ERCC2: variants seen among roughly 807,000 people sequenced by gnomAD.
The protein encoded by ERCC2 is general transcription and DNA repair factor IIH helicase subunit XPD.
Under a neutral mutation model 99.4 loss-of-function variants are expected in ERCC2, and 90 were observed. The observed-to-expected ratio is 0.91, with a 90% CI of 0.76 to 1.08. The LOEUF (loss-of-function observed/expected upper bound fraction) is 1.08. Ranked by LOEUF, ERCC2 falls within the 50% of genes least tolerant of loss-of-function variation. The probability of loss-of-function intolerance (pLI) is 0.00; values close to 1 mark genes in which losing one functional copy is unlikely to be tolerated. For synonymous variants in ERCC2, 497 were observed against 432.4 expected (o/e 1.15, Z -1.85); for missense variants, 993 against 1,038.1 (o/e 0.96, Z 0.60).
intron 18 of ERCC2, 21 bp downstream of exon 18, chr19:45,353,221 A>C (rs1971886362): frequency 6.2e-7 from 1 of 1,612,270 alleles, no homozygotes; most frequent in African/African-American, 1.3e-5. Context: ...ACCCCTCTCC[A>C]CGCTGGCCTC....
In ERCC2 at chr19:45,351,213, A is replaced by ACCTGGAGCT; in HGVS notation, c.*407_*415dup. 6.3e-7 allele frequency: 1 copy of ACCTGGAGCT among 1,589,814 alleles called. No homozygotes were observed. Among genetic ancestry groups the ACCTGGAGCT allele is most frequent in the Non-Finnish European group, 8.6e-7 (1 of 1,167,518 alleles). ...GTTGGATAGTTGGCTGCCAGGCTGG[A>ACCTGGAGCT]CCTGGAGCTGGAGGGTGGATGTAAC... On this transcript the variant is annotated 3_prime_UTR_variant, in exon 23 of 23. Coordinates refer to ENST00000391945, the MANE Select transcript of ERCC2 (RefSeq NM_000400.4).
In ERCC2 at chr19:45,350,633, CTCCCCAGGCCCT is replaced by C. The variant is rs762601009; in HGVS notation, c.*984_*995del. On this transcript the variant is annotated 3_prime_UTR_variant, in exon 23 of 23. Coordinates refer to ENST00000391945, the MANE Select transcript of ERCC2 (RefSeq NM_000400.4). ...GGGGACTGAGCAGCATCCCCGGCCC[CTCCCCAGGCCCT>C]TCGCCGCAGCAGCTCACTCTCCAAG... The C allele has an allele frequency of 8.1e-6, 13 of 1,613,320 alleles. No homozygotes were observed. Among genetic ancestry groups the C allele is most frequent in the Admixed American group, 1.7e-5 (1 of 59,974 alleles).
rs749948552 is a variant in ERCC2 at position 45,369,012 on chromosome 19, T to G, written c.184-20A>C. 1.2e-6 allele frequency: 2 copies of G among 1,614,080 alleles called. No homozygotes were observed. The highest frequency in any genetic ancestry group is 2.2e-5 in the South Asian group (2 of 91,088). On this transcript the variant is annotated intron_variant, in intron 3 of 22. Transcript: ENST00000391945. ...ATATGCCTGCCGATAACAAGCGGAC[T>G]CAGTCCCTGTCCCGCCCCTTCCTTT...
At position 45,351,662 on chromosome 19, in the gene ERCC2, CAGCGTCTCCTCTGATTCT is replaced by C. The variant is rs757322764; in HGVS notation, c.2232_2249del (p.Glu745_Leu750del). On this transcript the variant is annotated inframe_deletion, in exon 23 of 23. Transcript: ENST00000391945. ...GCTGAGCAATCTGCTCTATCCTCTT[CAGCGTCTCCTCTGATTCT>C]AGCTGCTCCAGGCTGAGCAGGGACA... 2 of 1,614,044 alleles carry C rather than the reference CAGCGTCTCCTCTGATTCT, an allele frequency of 1.2e-6. No individual in the cohort carries two copies. The highest frequency in any genetic ancestry group is 1.7e-6 in the Non-Finnish European group (2 of 1,179,996).
chr19:45,354,017 C>T (rs577930083), intron 17 of ERCC2, among the ~76,000 whole-genome samples: 9 of 152,330 alleles, frequency 5.9e-5, no homozygotes, highest in South Asian at 2.1e-4. Flanking sequence ...GCGTGGAAGC[C>T]GCCTATTGAA....
At chr19:45,354,670 T>C (rs1599728849) in intron 17 of ERCC2, 60 bp downstream of exon 17, 2 of 1,605,030 alleles carry the variant, frequency 1.2e-6, no homozygotes, top group South Asian at 1.1e-5. Context: ...GAAGCTGACA[T>C]AGCGGTGCAG....
intron 13 of ERCC2, 27 bp from the exon 14 acceptor site, chr19:45,357,570 C>A: frequency 6.2e-7 from 1 of 1,613,876 alleles, no homozygotes; most frequent in Non-Finnish European, 8.5e-7. Context: ...GCAGTGAGGG[C>A]CCGGGGGGCT....
At position 45,351,439 on chromosome 19, in the gene ERCC2, T is replaced by TC; in HGVS notation, c.*189dup. 2.5e-6 allele frequency: 4 copies of TC among 1,586,582 alleles called. No homozygotes were observed. The highest frequency in any genetic ancestry group is 1.7e-4 in the Middle Eastern group (1 of 5,952). On this transcript the variant is annotated 3_prime_UTR_variant, in exon 23 of 23. Coordinates refer to ENST00000391945, the MANE Select transcript of ERCC2 (RefSeq NM_000400.4). ...TGGTGGGGTGAGAGGGGGTCTATCATCTCCTGGCCCCCCCTTGCCTCTGGG... is the reference window on the plus strand; with the variant it reads ...TGGTGGGGTGAGAGGGGGTCTATCATCCTCCTGGCCCCCCCTTGCCTCTGGG...
In ERCC2 at chr19:45,357,539, T is replaced by A; in HGVS notation, c.1312A>T (p.Met438Leu). 1 of 1,614,108 alleles carries A rather than the reference T, an allele frequency of 6.2e-7. No individual in the cohort carries two copies. Among genetic ancestry groups the A allele is most frequent in the Non-Finnish European group, 8.5e-7 (1 of 1,180,018 alleles). Reference protein sequence around the residue: ...IANPILHFSCMDASLAIKPVF... With the variant: ...IANPILHFSCLDASLAIKPVF... The stretch of plus-strand genomic sequence containing the variant: ...GGTTTGATGGCCAGCGAGGCGTCCA[T>A]GCAGCTGGAGAGAGATGAGGGCAGT... Residue 438 changes from methionine to leucine, a missense_variant, in exon 14 of 23, where the codon ATG (methionine) becomes TTG (leucine). Physicochemically the swap from Met to Leu is conservative, Grantham distance 15. Around this residue, in one of 3 missense-constraint regions of ERCC2, gnomAD observed 909 missense variants for 930.8 expected, o/e 0.98. Coordinates refer to ENST00000391945, the MANE Select transcript of ERCC2 (RefSeq NM_000400.4).
At chr19:45,352,126 T>G (rs994598652) in intron 22 of ERCC2, 83 bp downstream of exon 22, 24 of 1,450,948 alleles carry the variant, frequency 1.7e-5, no homozygotes, top group East Asian at 9.4e-5. Flanking sequence ...AGGCTGAGGG[T>G]GGGGAGTGGG....
chr19:45,349,853 T>G lies in ERCC2; in HGVS notation c.*1776A>C. The G allele has an allele frequency of 1.9e-6, 1 of 515,804 alleles. No homozygotes were observed. The highest frequency in any genetic ancestry group is 3.2e-5 in the East Asian group (1 of 31,198). 32.0% of individuals were successfully genotyped at this position (515,804 alleles called of 1,614,324 possible). On this transcript the variant is annotated 3_prime_UTR_variant, in exon 23 of 23. Coordinates refer to ENST00000391945, the MANE Select transcript of ERCC2 (RefSeq NM_000400.4). ...AGGCACAGGTGGCAGCAGCAGACAT[T>G]TATTGAGCTCACTGTGGCCGGCTCC...
In ERCC2 at chr19:45,357,859, G is replaced by C. The variant is rs979908373; in HGVS notation, c.1238-160C>G. On this transcript the variant is annotated intron_variant, in intron 12 of 22. Coordinates refer to ENST00000391945, the MANE Select transcript of ERCC2 (RefSeq NM_000400.4). ...ACATGACTGCTTAAGCCCCAAACCA[G>C]GCATCTGAGTCCAAAATACACCCCA... 1.6e-5 allele frequency: 11 copies of C among 702,370 alleles called. No homozygotes were observed. In the African/African-American group the frequency reaches 1.9e-4, roughly 12 times the overall value. 43.5% of individuals were successfully genotyped at this position (702,370 alleles called of 1,614,324 possible). A position where few individuals can be genotyped will look rare whatever the true frequency, so the allele number is the denominator to read the frequency against.
At chr19:45,358,339 A>C in intron 12 of ERCC2, 1 of 192,040 alleles carries the variant, frequency 5.2e-6, no homozygotes, top group Non-Finnish European at 1.1e-5. Flanking sequence ...CTTTCTACCT[A>C]AGCCATCAGC....
chr19:45,355,835 AAG>A (rs1209730413), intron 15 of ERCC2, 107 bp from the exon 16 acceptor site: 7 of 833,916 alleles, frequency 8.4e-6, no homozygotes, highest in Non-Finnish European at 1.2e-5. Flanking sequence ...TTTTTTTTTA[AAG>A]AGAGACAGGG....
rs1396279534 is a variant in ERCC2 at position 45,351,044 on chromosome 19, AGAG to A, written c.*582_*584del. 2 of 1,613,982 alleles carry A rather than the reference AGAG, an allele frequency of 1.2e-6. No individual in the cohort carries two copies. The highest frequency in any genetic ancestry group is 1.7e-6 in the Non-Finnish European group (2 of 1,179,930). On this transcript the variant is annotated 3_prime_UTR_variant, in exon 23 of 23. Coordinates refer to ENST00000391945, the MANE Select transcript of ERCC2 (RefSeq NM_000400.4). The stretch of plus-strand genomic sequence containing the variant: ...TGAGGGGGACATCTGGGTCAAAAAT[AGAG>A]GAGGCCATGTGGGTAGGTGCAGAGA...
rs1171614096 is a variant in ERCC2, at chr19:45,355,740, C to G, written c.1480-12G>C. 5 of 1,613,082 alleles carry G rather than the reference C, an allele frequency of 3.1e-6. No homozygotes were observed. The highest frequency in any genetic ancestry group is 4.2e-6 in the Non-Finnish European group (5 of 1,179,628). ...CCACGGCCGATGATCTGGAGAGCAACAGAGGTCACGATAAGCGAGGCAGCA... is the reference window on the plus strand; with the variant it reads ...CCACGGCCGATGATCTGGAGAGCAAGAGAGGTCACGATAAGCGAGGCAGCA... On this transcript the variant is annotated splice_polypyrimidine_tract_variant and intron_variant, in intron 15 of 22. Transcript: ENST00000391945.
In ERCC2 at chr19:45,352,292, CTG is replaced by C; in HGVS notation, c.2105_2106del (p.Thr702ArgfsTer71). The C allele has an allele frequency of 6.2e-7, 1 of 1,614,154 alleles. No individual in the cohort carries two copies. Among genetic ancestry groups the C allele is most frequent in the Non-Finnish European group, 8.5e-7 (1 of 1,180,036 alleles). ...KLPRWIQEHLTDANLNLTVDE... is the reference protein window; with the variant it reads ...KLPRWIQEHLXDANLNLTVDE... Reference sequence around the variant, plus strand: ...TCCACGGTCAGGTTGAGGTTGGCATCTGTGAGGTGCTCCTGGATCCAGCGGGG... The same window carrying C: ...TCCACGGTCAGGTTGAGGTTGGCATCTGAGGTGCTCCTGGATCCAGCGGGG... On this transcript the variant is annotated frameshift_variant, in exon 22 of 23. Coordinates refer to ENST00000391945, the MANE Select transcript of ERCC2 (RefSeq NM_000400.4). LOFTEE classifies it high-confidence loss of function.
At chr19:45,365,945 C>T (rs555603652) in intron 5 of ERCC2, among the ~76,000 whole-genome samples, 6 of 152,222 alleles carry the variant, frequency 3.9e-5, no homozygotes, top group African/African-American at 1.4e-4. Context: ...AGTGATCCTT[C>T]CCCCACTCAG....
At chr19:45,355,792 C>A in intron 15 of ERCC2, 64 bp from the exon 16 acceptor site, 1 of 1,264,930 alleles carries the variant, frequency 7.9e-7, no homozygotes, top group Non-Finnish European at 1.2e-6. Context: ...GAGTGCTGAC[C>A]ACCTGCTGGT....
Sources: allele counts gnomAD v4.1 joint callset (sites outside exome capture counted in the v4.1 genomes callset), GRCh38; gene constraint gnomAD v4.1.1; regional missense constraint gnomAD v4.1.1; transcripts MANE v1.5; gene names NCBI Gene and HGNC (gene_info 2026-07-23, HGNC 2026-07-21).